The following APBB2 variants were observed in gnomAD, a reference collection of about 807,000 sequenced individuals.
APBB2 encodes Fe65-like 1.
APBB2 carries 38 observed loss-of-function variants against 82.5 expected under a neutral mutation model. That is an observed-to-expected ratio of 0.46 (90% confidence interval 0.36 to 0.60). The LOEUF is 0.60. Ranked by LOEUF, APBB2 falls within the 20% of genes least tolerant of loss-of-function variation. The pLI, the probability that APBB2 is intolerant of heterozygous loss-of-function variation, is 0.00. For missense variants in APBB2, 772 were observed against 972.3 expected, an observed-to-expected ratio of 0.79 and a Z score of 2.74; for synonymous variants, 341 against 368.2, an observed-to-expected ratio of 0.93 and a Z score of 0.85.
intron 10 of APBB2, among the ~76,000 whole-genome samples, chr4:40,896,625 T>TC (rs1773738149): frequency 6.6e-6 from 1 of 152,222 alleles, no homozygotes; most frequent in Non-Finnish European, 1.5e-5. Context: ...CATGTAACTC[T>TC]TAACTGAATA....
chr4:40,830,106 G>A (rs1169777426), intron 13 of APBB2, among the ~76,000 whole-genome samples: 2 of 152,226 alleles, frequency 1.3e-5, no homozygotes, highest in East Asian at 1.9e-4. Context: ...TCTAGGCTGC[G>A]GGAGGGACTA....
rs545766361 is a variant in APBB2, at chr4:41,201,494, A to G, written c.-417+12911T>C. Among the ~76,000 whole-genome samples the G allele has an allele frequency of 2.8e-4, 43 of 152,388 alleles. 1 individual carries two copies. The South Asian group carries it at 5.0e-3, about 18-fold the overall frequency. ...TCTTGATTACTTGCTCTATATAGCA[A>G]GAACTTTCACATGTTATCACAGTAA... On this transcript the variant is annotated intron_variant, in intron 1 of 17. Coordinates refer to ENST00000508593, the MANE Select transcript of APBB2 (RefSeq NM_004307.2).
At chr4:40,868,410 T>A (rs561638581) in intron 12 of APBB2, among the ~76,000 whole-genome samples, 1 of 152,328 alleles carries the variant, frequency 6.6e-6, no homozygotes, top group South Asian at 2.1e-4. Context: ...GAGGGGAAAC[T>A]GCATCATTGA....
At chr4:41,187,882 G>A (rs1210432373) in intron 1 of APBB2, among the ~76,000 whole-genome samples, 1 of 152,160 alleles carries the variant, frequency 6.6e-6, no homozygotes, top group Non-Finnish European at 1.5e-5. Flanking sequence ...ATGTATGCAT[G>A]TATGTATATA....
intron 6 of APBB2, among the ~76,000 whole-genome samples, chr4:41,001,198 C>T (rs543818116): frequency 9.2e-5 from 14 of 152,342 alleles, no homozygotes; most frequent in African/African-American, 3.4e-4. Flanking sequence ...GACAATTCCA[C>T]ATGGAACTGG....
At chr4:40,900,225 G>A (rs182859210) in intron 10 of APBB2, among the ~76,000 whole-genome samples, 49 of 152,196 alleles carry the variant, frequency 3.2e-4, no homozygotes, top group African/African-American at 1.1e-3. Flanking sequence ...CTGTGTATTC[G>A]CGATGATAAC....
At chr4:41,152,848 G>T (rs1762612369) in intron 1 of APBB2, among the ~76,000 whole-genome samples, 1 of 152,176 alleles carries the variant, frequency 6.6e-6, no homozygotes, top group South Asian at 2.1e-4. Flanking sequence ...ATAAGTACTG[G>T]TGGAATGCAG....
intron 2 of APBB2, among the ~76,000 whole-genome samples, chr4:41,121,482 G>A (rs959923487): frequency 2.0e-5 from 3 of 152,250 alleles, no homozygotes; most frequent in South Asian, 2.1e-4. Flanking sequence ...ACGCTCATGC[G>A]TGCGCATCTG....
intron 12 of APBB2, among the ~76,000 whole-genome samples, chr4:40,872,814 A>T (rs539093538): frequency 6.6e-6 from 1 of 151,984 alleles, no homozygotes; most frequent in South Asian, 2.1e-4. Context: ...CGCCGGGTGC[A>T]GTGGTTCACA....
chr4:40,979,487 A>G (rs1202586407), intron 6 of APBB2, among the ~76,000 whole-genome samples: 1 of 152,218 alleles, frequency 6.6e-6, no homozygotes, highest in Non-Finnish European at 1.5e-5. Context: ...AGGATTTTAC[A>G]TATTTAATTA....
chr4:40,847,773 T>C (rs1466716886), intron 12 of APBB2, among the ~76,000 whole-genome samples: 5 of 151,960 alleles, frequency 3.3e-5, no homozygotes, highest in African/African-American at 1.2e-4. Flanking sequence ...CCAATACATA[T>C]GGCCTTCATT....
chr4:40,935,922 A>T (rs570067328), intron 7 of APBB2, among the ~76,000 whole-genome samples: 1 of 152,234 alleles, frequency 6.6e-6, no homozygotes, highest in Non-Finnish European at 1.5e-5. Context: ...TCCACCTCAG[A>T]CAATGAGAAA....
intron 6 of APBB2, among the ~76,000 whole-genome samples, chr4:40,962,579 C>A (rs1034683007): frequency 2.0e-5 from 3 of 152,148 alleles, no homozygotes; most frequent in Non-Finnish European, 2.9e-5. Context: ...ATGTCCCATA[C>A]GTCATAGGTG....
At chr4:41,208,071 C>A (rs1778402022) in intron 1 of APBB2, among the ~76,000 whole-genome samples, 1 of 152,130 alleles carries the variant, frequency 6.6e-6, no homozygotes, top group South Asian at 2.1e-4. Context: ...AGGAGATACT[C>A]ATTTACTTTT....
intron 6 of APBB2, among the ~76,000 whole-genome samples, chr4:40,961,407 C>A (rs112326967): frequency 0.23 from 33,253 of 145,626 alleles, 3,753 homozygotes; most frequent in Middle Eastern, 0.27. Flanking sequence ...AAAAACCAAA[C>A]ACCGCATATT....
At chr4:40,848,755 G>A (rs1393076309) in intron 12 of APBB2, among the ~76,000 whole-genome samples, 4 of 137,900 alleles carry the variant, frequency 2.9e-5, no homozygotes, top group Non-Finnish European at 4.7e-5. Flanking sequence ...CACTGGGACC[G>A]TTTTGCTCCG....
chr4:41,092,350 C>T (rs1331504605), intron 3 of APBB2, among the ~76,000 whole-genome samples: 1 of 152,120 alleles, frequency 6.6e-6, no homozygotes, highest in Non-Finnish European at 1.5e-5. Flanking sequence ...GGAGGCAAAC[C>T]TGGAAGTGGG....
intron 12 of APBB2, among the ~76,000 whole-genome samples, chr4:40,845,615 A>AAC (rs1757298873): frequency 6.8e-6 from 1 of 147,272 alleles, no homozygotes; most frequent in South Asian, 2.2e-4. Flanking sequence ...AAAAAAAAAA[A>AAC]CCAGCACACC....
chr4:41,031,478 T>C (rs1010853266), intron 5 of APBB2, among the ~76,000 whole-genome samples: 1 of 152,212 alleles, frequency 6.6e-6, no homozygotes, highest in African/African-American at 2.4e-5. Context: ...TACCGATGCA[T>C]GAGAGTAGTA....
Sources: allele counts gnomAD v4.1 joint callset (sites outside exome capture counted in the v4.1 genomes callset), GRCh38; gene constraint gnomAD v4.1.1; transcripts MANE v1.5; gene names NCBI Gene and HGNC (gene_info 2026-07-23, HGNC 2026-07-21).